The following SVEP1 variants were observed in gnomAD, a reference collection of about 807,000 sequenced individuals.
The protein encoded by SVEP1 is sushi, von Willebrand factor type A, EGF and pentraxin domain containing 1.
Under a neutral mutation model 367.3 loss-of-function variants are expected in SVEP1, and 164 were observed. That is an observed-to-expected ratio of 0.45 (90% CI 0.39 to 0.51). SVEP1 has a LOEUF of 0.51. Among genes scored for constraint, SVEP1 ranks in the 20% least tolerant of loss-of-function variants. The probability of loss-of-function intolerance (pLI) is 0.00; values close to 1 mark genes in which losing one functional copy is unlikely to be tolerated. For missense variants in SVEP1, 4,117 were observed against 4,425.3 expected, an observed-to-expected ratio of 0.93 and a Z score of 1.98; for synonymous variants, 1,666 against 1,611.6, an observed-to-expected ratio of 1.03 and a Z score of -0.81.
At chr9:110,466,941 A>T (rs1426845220) in intron 17 of SVEP1, among the ~76,000 whole-genome samples, 1 of 151,990 alleles carries the variant, frequency 6.6e-6, no homozygotes, top group Non-Finnish European at 1.5e-5. Context: ...TTTGTAGAAG[A>T]ACAGGACTTT....
At chr9:110,528,156 G>GTGCATATATATATA in intron 3 of SVEP1, among the ~76,000 whole-genome samples, 1 of 33,940 alleles carries the variant, frequency 2.9e-5, no homozygotes, top group Non-Finnish European at 5.7e-5. Flanking sequence ...GTGTGTGTGT[G>GTGCATATATATATA]TATATATATA....
At chr9:110,516,171 CATATA>C (rs1328443846) in intron 3 of SVEP1, among the ~76,000 whole-genome samples, 2 of 83,412 alleles carry the variant, frequency 2.4e-5, no homozygotes, top group Admixed American at 1.2e-4. Flanking sequence ...AAAACTAAAT[CATATA>C]ATAAACTAAA....
intron 8 of SVEP1, among the ~76,000 whole-genome samples, chr9:110,491,507 A>G (rs537300819): frequency 9.2e-5 from 14 of 151,974 alleles, no homozygotes; most frequent in African/African-American, 2.9e-4. Context: ...TTTACATTTT[A>G]TCTTGCATTG....
chr9:110,410,726 A>G (rs1218222619), intron 37 of SVEP1, among the ~76,000 whole-genome samples: 1 of 152,148 alleles, frequency 6.6e-6, no homozygotes, highest in Non-Finnish European at 1.5e-5. Context: ...CTGTTTTTCA[A>G]TAATTAATTT....
intron 39 of SVEP1, among the ~76,000 whole-genome samples, chr9:110,403,296 GTTTTTT>G (rs71371665): frequency 2.8e-4 from 12 of 43,458 alleles, no homozygotes; most frequent in African/African-American, 1.3e-3. Context: ...CGCCACCGCC[GTTTTTT>G]TTTTTTTTTT....
intron 16 of SVEP1, among the ~76,000 whole-genome samples, chr9:110,470,556 C>T (rs1281413541): frequency 2.6e-5 from 4 of 151,924 alleles, no homozygotes; most frequent in Non-Finnish European, 4.4e-5. Flanking sequence ...CCTCAGCCTC[C>T]CGAGTTGCTG....
At chr9:110,442,302 C>T (rs1425490618) in intron 27 of SVEP1, among the ~76,000 whole-genome samples, 1 of 152,178 alleles carries the variant, frequency 6.6e-6, no homozygotes, top group African/African-American at 2.4e-5. Context: ...TTTTGCCCAC[C>T]ATTGGGTTTC....
intron 27 of SVEP1, among the ~76,000 whole-genome samples, chr9:110,437,352 T>A (rs769946105): frequency 3.3e-5 from 5 of 152,196 alleles, no homozygotes; most frequent in Non-Finnish European, 5.9e-5. Context: ...TTCAGGCCCA[T>A]CCCTTACAAC....
chr9:110,441,490 T>C (rs2118584948), intron 27 of SVEP1, among the ~76,000 whole-genome samples: 1 of 152,366 alleles, frequency 6.6e-6, no homozygotes, highest in East Asian at 1.9e-4. Context: ...CTCTGTCCTT[T>C]GGGTCTTCCA....
chr9:110,393,134 A>G (rs1827692887), intron 40 of SVEP1, among the ~76,000 whole-genome samples: 1 of 152,224 alleles, frequency 6.6e-6, no homozygotes, highest in Admixed American at 6.5e-5. Flanking sequence ...AAATTTAATG[A>G]CAGTTTGCTC....
At chr9:110,546,556 T>C (rs1830223821) in intron 2 of SVEP1, among the ~76,000 whole-genome samples, 1 of 152,138 alleles carries the variant, frequency 6.6e-6, no homozygotes. Flanking sequence ...AGAAATTAAG[T>C]AGTGTAGTGA....
chr9:110,428,430 C>CACACAAT (rs1828290189), intron 35 of SVEP1, among the ~76,000 whole-genome samples: 1 of 43,404 alleles, frequency 2.3e-5, no homozygotes, highest in African/African-American at 1.0e-4. Context: ...ACACACACAC[C>CACACAAT]ATTAATCTCC....
chr9:110,564,501 G>A (rs1016076335), intron 1 of SVEP1, among the ~76,000 whole-genome samples: 9 of 152,136 alleles, frequency 5.9e-5, no homozygotes, highest in Non-Finnish European at 1.0e-4. Flanking sequence ...GACACAAGAG[G>A]GGTGCAAAGG....
intron 10 of SVEP1, among the ~76,000 whole-genome samples, chr9:110,483,159 T>C (rs991355363): frequency 5.9e-5 from 9 of 152,222 alleles, no homozygotes; most frequent in Non-Finnish European, 1.3e-4. Context: ...TAAACTTCAA[T>C]TGTATTTGCT....
intron 1 of SVEP1, 58 bp from the exon 2 acceptor site, chr9:110,550,162 T>C: frequency 6.3e-7 from 1 of 1,595,030 alleles, no homozygotes; most frequent in Non-Finnish European, 8.6e-7. Context: ...ACTGTGTGCT[T>C]CTCTTCTTAC....
In SVEP1 at chr9:110,429,211, A is replaced by G; in HGVS notation, c.5739T>C (p.Asn1913=). Residue 1913 remains asparagine (N), a synonymous_variant, in exon 35 of 48, where the codon AAT becomes AAC. Coordinates refer to ENST00000374469, the MANE Select transcript of SVEP1 (RefSeq NM_153366.4). The part of the protein sequence containing the change: ...VKCSSPENIN[N]GKYILSGLTY... ...TAAGCCCACTCAAAATATATTTTCC[A>G]TTATTTATATTTTCCGGACTAGAAC... is the stretch of plus-strand genomic sequence containing the variant. 2 of 1,596,368 alleles carry G rather than the reference A, an allele frequency of 1.3e-6. No individual in the cohort carries two copies. The highest frequency in any genetic ancestry group is 2.3e-5 in the East Asian group (1 of 44,356).
In SVEP1 at chr9:110,430,460, G is replaced by T; in HGVS notation, c.5354-10C>A. Reference sequence around the variant, plus strand: ...TTACATTTTATAGGTTCTAGAAACAGACAGTTTTGGTGGAATAATAAGTGG... The same window carrying T: ...TTACATTTTATAGGTTCTAGAAACATACAGTTTTGGTGGAATAATAAGTGG... On this transcript the variant is annotated splice_polypyrimidine_tract_variant and intron_variant, in intron 32 of 47. Coordinates refer to ENST00000374469, the MANE Select transcript of SVEP1 (RefSeq NM_153366.4). The T allele has an allele frequency of 6.2e-7, 1 of 1,601,564 alleles. No homozygotes were observed. Among genetic ancestry groups the T allele is most frequent in the Non-Finnish European group, 8.5e-7 (1 of 1,173,198 alleles).
intron 9 of SVEP1, among the ~76,000 whole-genome samples, chr9:110,486,631 TTCTCTTTCTCTCTC>T (rs1829281341): frequency 7.2e-6 from 1 of 139,064 alleles, no homozygotes; most frequent in Admixed American, 7.4e-5. Flanking sequence ...TTCTCCTTCC[TTCTCTTTCTCTCTC>T]TCTCTCTCTC....
At position 110,528,131 on chromosome 9, in the gene SVEP1, C is replaced by CGTGTGTGTGT. The variant is rs35039778; in HGVS notation, c.965-14035_965-14026dup. 4.6e-4 allele frequency among the ~76,000 whole-genome samples: 30 copies of CGTGTGTGTGT among 65,382 alleles called. 1 individual carries two copies. The highest frequency in any genetic ancestry group is 1.0e-3 in the South Asian group (2 of 1,964). The allele number at this position is 65,382 out of a possible 152,430, so 42.9% of individuals were successfully genotyped here. On this transcript the variant is annotated intron_variant, in intron 3 of 47. Coordinates refer to ENST00000374469, the MANE Select transcript of SVEP1 (RefSeq NM_153366.4). ...ATATACATATATACATACATACACACGTGTGTGTGTGTGTGTGTGTGTGTG... is the reference window on the plus strand; with the variant it reads ...ATATACATATATACATACATACACACGTGTGTGTGTGTGTGTGTGTGTGTGTGTGTGTGTG...
Sources: allele counts gnomAD v4.1 joint callset (sites outside exome capture counted in the v4.1 genomes callset), GRCh38; gene constraint gnomAD v4.1.1; transcripts MANE v1.5; gene names NCBI Gene and HGNC (gene_info 2026-07-23, HGNC 2026-07-21).